The following SLC24A2 variants were observed in gnomAD, a reference collection of about 807,000 sequenced individuals.
SLC24A2 encodes the protein sodium/potassium/calcium exchanger 2.
A neutral mutation model predicts 62.0 loss-of-function variants in SLC24A2; 36 were observed. The ratio of observed to expected loss-of-function variants is 0.58; its 90% CI spans 0.44 to 0.77. The LOEUF (loss-of-function observed/expected upper bound fraction) is 0.77, where lower values mean the gene tolerates loss of function less well. SLC24A2 is among the 30% of genes least tolerant of loss of function. The pLI is 0.00. For missense variants in SLC24A2, 846 were observed against 817.9 expected, an observed-to-expected ratio of 1.03 and a Z score of -0.42; for synonymous variants, 358 against 294.0, an observed-to-expected ratio of 1.22 and a Z score of -2.23.
At chr9:19,538,626 T>C (rs1298885116) in intron 8 of SLC24A2, among the ~76,000 whole-genome samples, 24 of 93,938 alleles carry the variant, frequency 2.6e-4, no homozygotes, top group African/African-American at 1.1e-3. Context: ...TTGAGGATTT[T>C]TGCATCAATG....
the SLC24A2 span, among the ~76,000 whole-genome samples, chr9:19,997,037 A>G: frequency 1.1e-3 from 157 of 148,618 alleles, 1 homozygote; most frequent in African/African-American, 3.8e-3. Context: ...AAAGATGGTG[A>G]AAAAAAAAAG....
the SLC24A2 span, among the ~76,000 whole-genome samples, chr9:20,103,033 C>A: frequency 6.6e-6 from 1 of 152,192 alleles, no homozygotes; most frequent in Non-Finnish European, 1.5e-5. Flanking sequence ...AAACGGTGCA[C>A]CAGGAGATTA....
chr9:19,524,739 C>T (rs1313363531), intron 9 of SLC24A2, among the ~76,000 whole-genome samples: 1 of 152,094 alleles, frequency 6.6e-6, no homozygotes, highest in Non-Finnish European at 1.5e-5. Flanking sequence ...TTTCATTCGT[C>T]TTGGCTTTTT....
chr9:19,712,103 A>G (rs1484293066), intron 2 of SLC24A2, among the ~76,000 whole-genome samples: 1 of 152,112 alleles, frequency 6.6e-6, no homozygotes, highest in Non-Finnish European at 1.5e-5. Context: ...CAGCACAAAA[A>G]GTCTGGGGAA....
chr9:19,789,286 A>G (rs932757470), upstream of SLC24A2, among the ~76,000 whole-genome samples: 1 of 152,216 alleles, frequency 6.6e-6, no homozygotes, highest in Admixed American at 6.5e-5. Context: ...CAGGTCGGTG[A>G]CGCGCCTAAT....
intron 8 of SLC24A2, among the ~76,000 whole-genome samples, chr9:19,535,362 T>C (rs955840406): frequency 3.9e-5 from 6 of 152,214 alleles, no homozygotes; most frequent in Admixed American, 6.5e-5. Context: ...TTTAATGAGA[T>C]CCCAGTTGCC....
chr9:19,574,346 AC>A (rs1835944191), intron 6 of SLC24A2, among the ~76,000 whole-genome samples: 1 of 152,168 alleles, frequency 6.6e-6, no homozygotes, highest in African/African-American at 2.4e-5. Context: ...CAGATTTGAC[AC>A]TTGAGAAGTG....
intron 2 of SLC24A2, among the ~76,000 whole-genome samples, chr9:19,763,051 T>C (rs933766837): frequency 3.8e-4 from 58 of 152,254 alleles, no homozygotes; most frequent in African/African-American, 1.4e-3. Flanking sequence ...TTGTAAGTTG[T>C]ATTCCTAGGT....
At chr9:19,772,054 T>C (rs1822706349) in intron 2 of SLC24A2, among the ~76,000 whole-genome samples, 2 of 152,204 alleles carry the variant, frequency 1.3e-5, no homozygotes, top group Non-Finnish European at 2.9e-5. Flanking sequence ...CTGGTAGGGC[T>C]TCTGGGCAAG....
chr9:19,683,375 G>C (rs1300654731), intron 2 of SLC24A2, among the ~76,000 whole-genome samples: 1 of 152,134 alleles, frequency 6.6e-6, no homozygotes, highest in Non-Finnish European at 1.5e-5. Flanking sequence ...AGATTACATG[G>C]ATGTTGAGCG....
upstream of SLC24A2, among the ~76,000 whole-genome samples, chr9:19,790,315 C>A (rs1377947928): frequency 1.3e-5 from 2 of 152,048 alleles, no homozygotes; most frequent in African/African-American, 4.8e-5. Context: ...GGGGCCATAA[C>A]CAGCTTGAAC....
chr9:20,188,714 G>T, the SLC24A2 span, among the ~76,000 whole-genome samples: 6 of 152,102 alleles, frequency 3.9e-5, no homozygotes, highest in Non-Finnish European at 4.4e-5. Flanking sequence ...GACGGGAGAA[G>T]AAGCCACGAG....
At chr9:20,220,294 C>T in the SLC24A2 span, among the ~76,000 whole-genome samples, 1 of 152,060 alleles carries the variant, frequency 6.6e-6, no homozygotes, top group Non-Finnish European at 1.5e-5. Context: ...CTACTTTCGG[C>T]CCTCATTAAA....
At chr9:20,063,549 G>A in the SLC24A2 span, among the ~76,000 whole-genome samples, 2 of 151,600 alleles carry the variant, frequency 1.3e-5, no homozygotes, top group Non-Finnish European at 2.9e-5. Flanking sequence ...CCAAGATGAC[G>A]AGTTAGTGGG....
chr9:20,055,254 C>T, the SLC24A2 span, among the ~76,000 whole-genome samples: 1 of 152,064 alleles, frequency 6.6e-6, no homozygotes, highest in Non-Finnish European at 1.5e-5. Context: ...AAAGTCTTTA[C>T]TTCTGCAAAA....
the SLC24A2 span, among the ~76,000 whole-genome samples, chr9:19,834,050 G>A: frequency 5.0e-4 from 75 of 150,502 alleles, no homozygotes; most frequent in Non-Finnish European, 8.5e-4. Context: ...AAACAGAAAG[G>A]ACCTCCACCC....
chr9:19,635,145 G>A (rs1043481921), intron 2 of SLC24A2, among the ~76,000 whole-genome samples: 35 of 152,280 alleles, frequency 2.3e-4, no homozygotes, highest in African/African-American at 7.7e-4. Flanking sequence ...TCCTCACTGC[G>A]TTACTGTCAA....
At chr9:20,022,068 T>C in the SLC24A2 span, among the ~76,000 whole-genome samples, 2 of 152,222 alleles carry the variant, frequency 1.3e-5, no homozygotes, top group Non-Finnish European at 2.9e-5. Context: ...AGATACATTT[T>C]TCCTTCTTCA....
intron 4 of SLC24A2, among the ~76,000 whole-genome samples, chr9:19,611,581 T>G (rs897374279): frequency 2.0e-5 from 3 of 151,404 alleles, no homozygotes; most frequent in African/African-American, 7.3e-5. Context: ...TGAGCAGAGG[T>G]GGGGTGTGAT....
Sources: gnomAD v4.1 joint callset for allele counts (sites outside exome capture counted in the v4.1 genomes callset) on GRCh38, gnomAD v4.1.1 for gene constraint, MANE v1.5 for transcripts, NCBI Gene and HGNC (gene_info 2026-07-23, HGNC 2026-07-21) for gene names.